Variants in SEPTIN14 observed in about 807,000 individuals in gnomAD.
SEPTIN14 encodes the protein septin-14.
In SEPTIN14, 40 loss-of-function variants were observed where a neutral mutation model predicts 53.6. The observed-to-expected ratio is 0.75, with a 90% confidence interval of 0.58 to 0.97. The LOEUF is 0.97. Ranked by LOEUF, SEPTIN14 falls within the 50% of genes least tolerant of loss-of-function variation. The pLI is 0.00. For missense variants in SEPTIN14, 471 were observed against 508.2 expected, an observed-to-expected ratio of 0.93 and a Z score of 0.70; for synonymous variants, 138 against 166.8, an observed-to-expected ratio of 0.83 and a Z score of 1.33.
chr7:55,816,223 G>A (rs1252478097), intron 7 of SEPTIN14, among the ~76,000 whole-genome samples: 2 of 152,100 alleles, frequency 1.3e-5, no homozygotes, highest in Admixed American at 6.6e-5. Context: ...AGGGAGAGAA[G>A]TGGGGATAGT....
At chr7:55,812,786 A>G (rs1159265829) in intron 7 of SEPTIN14, among the ~76,000 whole-genome samples, 1 of 152,120 alleles carries the variant, frequency 6.6e-6, no homozygotes, top group African/African-American at 2.4e-5. Flanking sequence ...AGCCTATGCC[A>G]TCTGACATTC....
intron 3 of SEPTIN14, 73 bp from the exon 4 acceptor site, chr7:55,844,791 G>T (rs1789373454): frequency 1.4e-6 from 1 of 731,108 alleles, no homozygotes; most frequent in East Asian, 3.1e-5. Flanking sequence ...GAATTCCTAC[G>T]GTGGTTTTTA....
At chr7:55,818,140 A>C (rs1333381128) in intron 7 of SEPTIN14, among the ~76,000 whole-genome samples, 1 of 152,186 alleles carries the variant, frequency 6.6e-6, no homozygotes, top group Non-Finnish European at 1.5e-5. Context: ...AAGTATGCTT[A>C]ACAAATTTTA....
chr7:55,838,583 C>T (rs1789250544), intron 5 of SEPTIN14, among the ~76,000 whole-genome samples: 1 of 135,338 alleles, frequency 7.4e-6, no homozygotes, highest in African/African-American at 2.7e-5. Context: ...CTCTCTTTCG[C>T]TCTCTTTTCT....
chr7:55,855,011 T>C (rs907724089), intron 2 of SEPTIN14, among the ~76,000 whole-genome samples: 12 of 146,588 alleles, frequency 8.2e-5, no homozygotes, highest in Admixed American at 6.0e-4. Flanking sequence ...TCACAACTTT[T>C]TTTTTTTTTT....
At chr7:55,802,820 A>T (rs1422052787) in intron 9 of SEPTIN14, among the ~76,000 whole-genome samples, 1 of 152,178 alleles carries the variant, frequency 6.6e-6, no homozygotes, top group East Asian at 1.9e-4. Context: ...CAAACTATGA[A>T]ATGTGAGAAA....
chr7:55,835,790 T>A (rs2116035259), intron 5 of SEPTIN14, among the ~76,000 whole-genome samples: 1 of 152,298 alleles, frequency 6.6e-6, no homozygotes, highest in Admixed American at 6.5e-5. Context: ...TCGCCCAGGC[T>A]GGAGTGCAAT....
At chr7:55,827,618 G>A (rs931932940) in intron 6 of SEPTIN14, among the ~76,000 whole-genome samples, 139 of 152,298 alleles carry the variant, frequency 9.1e-4, no homozygotes, top group African/African-American at 3.3e-3. Context: ...TGAGATGTTG[G>A]TGGGTAAGCT....
intron 2 of SEPTIN14, among the ~76,000 whole-genome samples, 177 bp downstream of exon 2, chr7:55,861,766 T>C (rs1789753373): frequency 6.6e-6 from 1 of 152,148 alleles, no homozygotes; most frequent in Non-Finnish European, 1.5e-5. Flanking sequence ...GTAACAATTA[T>C]CTAAATCACC....
At chr7:55,840,612 G>A (rs183418774) in intron 5 of SEPTIN14, among the ~76,000 whole-genome samples, 25 of 152,242 alleles carry the variant, frequency 1.6e-4, no homozygotes, top group Non-Finnish European at 3.5e-4. Flanking sequence ...CACATCTTCT[G>A]ACACCTTGAT....
chr7:55,815,024 C>A (rs1788769093), intron 7 of SEPTIN14, among the ~76,000 whole-genome samples: 1 of 151,978 alleles, frequency 6.6e-6, no homozygotes, highest in Non-Finnish European at 1.5e-5. Context: ...ACAAAGGTGC[C>A]AAGCACATAC....
chr7:55,847,789 T>C (rs1789438821), intron 2 of SEPTIN14, among the ~76,000 whole-genome samples: 1 of 152,096 alleles, frequency 6.6e-6, no homozygotes, highest in Non-Finnish European at 1.5e-5. Flanking sequence ...ATCGAAGAAA[T>C]CTACTACTAA....
intron 9 of SEPTIN14, among the ~76,000 whole-genome samples, chr7:55,804,230 T>C (rs1179836325): frequency 2.0e-5 from 3 of 151,282 alleles, no homozygotes; most frequent in Non-Finnish European, 4.4e-5. Context: ...ATCCAAACTT[T>C]TTCCTTTATA....
At chr7:55,806,911 G>T (rs1788618476) in intron 8 of SEPTIN14, among the ~76,000 whole-genome samples, 179 bp downstream of exon 8, 1 of 152,076 alleles carries the variant, frequency 6.6e-6, no homozygotes, top group Admixed American at 6.6e-5. Flanking sequence ...GCATTATATT[G>T]TTCCTACTAT....
chr7:55,799,518 CA>C (rs59445168), intron 9 of SEPTIN14, among the ~76,000 whole-genome samples: 1,354 of 62,872 alleles, frequency 0.022, 1 homozygote, highest in Non-Finnish European at 0.03. Flanking sequence ...ACTCTTGTCT[CA>C]AAAAAAAAAA....
At chr7:55,837,109 C>CT (rs36026647) in intron 5 of SEPTIN14, among the ~76,000 whole-genome samples, 10,669 of 140,964 alleles carry the variant, frequency 0.076, 551 homozygotes, top group East Asian at 0.24. Context: ...TACTTTTAAC[C>CT]TTTTTTTTTT....
At chr7:55,838,314 G>T (rs959180802) in intron 5 of SEPTIN14, among the ~76,000 whole-genome samples, 4 of 152,170 alleles carry the variant, frequency 2.6e-5, no homozygotes, top group Non-Finnish European at 5.9e-5. Context: ...GATATGATCT[G>T]TAACCAGGAT....
chr7:55,809,979 C>A (rs1286399067), intron 7 of SEPTIN14, among the ~76,000 whole-genome samples: 1 of 151,732 alleles, frequency 6.6e-6, no homozygotes, highest in African/African-American at 2.4e-5. Context: ...ACTACAGGCG[C>A]CCGTCACTAC....
intron 9 of SEPTIN14, among the ~76,000 whole-genome samples, chr7:55,803,584 AT>A (rs1457574448): frequency 6.7e-6 from 1 of 150,296 alleles, no homozygotes; most frequent in East Asian, 2.0e-4. Context: ...AGGAAATAAA[AT>A]CAGTATGTCA....
Sources: allele counts gnomAD v4.1 joint callset (sites outside exome capture counted in the v4.1 genomes callset), GRCh38; gene constraint gnomAD v4.1.1; transcripts MANE v1.5; gene names NCBI Gene and HGNC (gene_info 2026-07-23, HGNC 2026-07-21).